KNDC1: variants seen among roughly 807,000 people sequenced by gnomAD.
KNDC1 encodes the protein kinase non-catalytic C-lobe domain-containing protein 1.
In KNDC1, 106 loss-of-function variants were observed where a neutral mutation model predicts 172.8. The observed-to-expected ratio is 0.61, with a 90% CI of 0.52 to 0.72. The LOEUF is 0.72. Ranked by LOEUF, KNDC1 falls within the 30% of genes least tolerant of loss-of-function variation. The pLI, the probability that KNDC1 is intolerant of heterozygous loss-of-function variation, is 0.00. For synonymous variants in KNDC1, 1,083 were observed against 1,062.2 expected (o/e 1.02, Z -0.38); for missense variants, 2,325 against 2,394.5 (o/e 0.97, Z 0.61).
intron 17 of KNDC1, chr10:133,202,543 G>T (rs1479174287): frequency 6.7e-6 from 3 of 449,428 alleles, no homozygotes; most frequent in South Asian, 4.7e-5. Flanking sequence ...CAGGGTGGAT[G>T]ACAGGAGGGG....
chr10:133,207,547 G>T (rs1845239294), intron 20 of KNDC1, among the ~76,000 whole-genome samples, 196 bp downstream of exon 20: 2 of 152,248 alleles, frequency 1.3e-5, no homozygotes, highest in Non-Finnish European at 2.9e-5. Flanking sequence ...AGTGGCCTCC[G>T]CCGCCTGTGG....
rs1274429560 is a variant in KNDC1 at position 133,211,487 on chromosome 10, C to T, written c.3974C>T (p.Ala1325Val). Residue 1325 changes from alanine to valine, a missense_variant, in exon 22 of 30, where the codon GCC becomes GTC. Transcript: ENST00000304613. ...IYRRSLCVLQAWVEDCYAVDF... is the reference protein window; with the variant it reads ...IYRRSLCVLQVWVEDCYAVDF... ...AGGCGGAGCCTCTGCGTCCTGCAGG[C>T]CTGGGTGGAGGACTGCTACGCTGTG... 1.9e-6 allele frequency: 3 copies of T among 1,613,998 alleles called. No homozygotes were observed. The highest frequency in any genetic ancestry group is 1.7e-5 in the Admixed American group (1 of 60,016).
Position 133,198,395 on chromosome 10 carries a change from CCAGCACCCCTG to C in KNDC1, c.1967_1977del (p.Gln656ArgfsTer2). Reference sequence around the variant, plus strand: ...TGGCTGTGCCAGGGCCCGTGCCCGGCCAGCACCCCTGCGGTGAAGAAGCCACCCAGCTGCCT... The same window carrying C: ...TGGCTGTGCCAGGGCCCGTGCCCGGCCGGTGAAGAAGCCACCCAGCTGCCT... On this transcript the variant is annotated frameshift_variant, in exon 13 of 30. Coordinates refer to ENST00000304613, the MANE Select transcript of KNDC1 (RefSeq NM_152643.8). LOFTEE classifies it high-confidence loss of function. 6.3e-7 allele frequency: 1 copy of C among 1,599,238 alleles called. No homozygotes were observed. The highest frequency in any genetic ancestry group is 8.5e-7 in the Non-Finnish European group (1 of 1,174,066).
intron 22 of KNDC1, 27 bp from the exon 23 acceptor site, chr10:133,211,652 C>G (rs369114673): frequency 3.8e-5 from 60 of 1,585,808 alleles, no homozygotes; most frequent in Non-Finnish European, 4.6e-5. Flanking sequence ...GTGGCAGTGA[C>G]CCCCCCACCA....
intron 3 of KNDC1, among the ~76,000 whole-genome samples, chr10:133,177,132 C>T (rs1459151733): frequency 6.6e-6 from 1 of 152,078 alleles, no homozygotes; most frequent in East Asian, 1.9e-4. Context: ...TATCCATGTC[C>T]ATGTCCAATT....
intron 6 of KNDC1, among the ~76,000 whole-genome samples, chr10:133,188,334 A>C (rs1329044520): frequency 1.3e-5 from 2 of 152,136 alleles, no homozygotes; most frequent in African/African-American, 4.8e-5. Flanking sequence ...GTTCCCACCC[A>C]CAGGGCCAAG....
At chr10:133,174,735 GGATGGGTGGATGGAT>G (rs1393413309) in intron 3 of KNDC1, among the ~76,000 whole-genome samples, 16 of 151,870 alleles carry the variant, frequency 1.1e-4, no homozygotes, top group Admixed American at 9.8e-4. Flanking sequence ...ATATGTGGAT[GGATGGGTGGATGGAT>G]GATGGGTGGA....
chr10:133,214,977 G>C (rs1845445062), intron 26 of KNDC1, among the ~76,000 whole-genome samples: 1 of 152,188 alleles, frequency 6.6e-6, no homozygotes, highest in South Asian at 2.1e-4. Flanking sequence ...TCACCCAGCG[G>C]ATGCCTTCAC....
At position 133,199,035 on chromosome 10, in the gene KNDC1, G is replaced by A. The variant is rs778880228; in HGVS notation, c.2527G>A (p.Glu843Lys). ...CAAGGCCACCGAGCGCCCGGGCCAG[G>A]AGCCAGAGGGCCCCGGGGCCACCCC... ...RSKATERPGQ[E>K]PEGPGATPAG... The change falls in exon 14 of 30, where the codon GAG becomes AAG. Residue 843 changes from glutamate (E) to lysine (K), a missense_variant. Glu to Lys is a moderately conservative substitution (Grantham distance 56, BLOSUM62 1). Coordinates refer to ENST00000304613, the MANE Select transcript of KNDC1 (RefSeq NM_152643.8). 1.9e-6 allele frequency: 3 copies of A among 1,582,260 alleles called. No individual in the cohort carries two copies. Among genetic ancestry groups the A allele is most frequent in the Non-Finnish European group, 2.6e-6 (3 of 1,165,742 alleles).
intron 1 of KNDC1, among the ~76,000 whole-genome samples, chr10:133,164,670 T>C (rs1391994519): frequency 6.6e-6 from 1 of 152,176 alleles, no homozygotes; most frequent in African/African-American, 2.4e-5. Context: ...GCTGTGGACT[T>C]GAACCTACCT....
At chr10:133,183,309 G>A in intron 3 of KNDC1, 35 bp from the exon 4 acceptor site, 1 of 1,559,926 alleles carries the variant, frequency 6.4e-7, no homozygotes, top group Non-Finnish European at 8.7e-7. Context: ...CGCACACGCA[G>A]AGACTCTGGA....
rs1396759606 is a variant in KNDC1, at chr10:133,189,915, CA to C, written c.1575+103del. On this transcript the variant is annotated intron_variant, in intron 9 of 29. Coordinates refer to ENST00000304613, the MANE Select transcript of KNDC1 (RefSeq NM_152643.8). ...GCCCCCCATCAGGACTCGAGGGAGT[CA>C]GGGCAGCCCTTCCTGGCCAGGCGGC... is the stretch of plus-strand genomic sequence containing the variant. 4 of 1,002,168 alleles carry C rather than the reference CA, an allele frequency of 4.0e-6. No individual in the cohort carries two copies. In the African/African-American group the frequency reaches 6.4e-5, roughly 16 times the overall value. 62.1% of individuals were successfully genotyped at this position (1,002,168 alleles called of 1,614,324 possible). A position where few individuals can be genotyped will look rare whatever the true frequency, so the allele number is the denominator to read the frequency against.
Position 133,169,659 on chromosome 10 carries a change from C to T in KNDC1, c.360+1347C>T, listed in dbSNP as rs189479620. Among the ~76,000 whole-genome samples the T allele has an allele frequency of 1.5e-3, 233 of 152,148 alleles. 2 individuals are homozygous for T. Among genetic ancestry groups the T allele is most frequent in the African/African-American group, 4.6e-3 (191 of 41,504 alleles). On this transcript the variant is annotated intron_variant, in intron 3 of 29. Coordinates refer to ENST00000304613, the MANE Select transcript of KNDC1 (RefSeq NM_152643.8). Reference sequence around the variant, plus strand: ...CAGCAGTGGCCTGGTGGCCGTGACGCGGCACGTGGCCTGGTGGCCGGGACA... The same window carrying T: ...CAGCAGTGGCCTGGTGGCCGTGACGTGGCACGTGGCCTGGTGGCCGGGACA...
intron 7 of KNDC1, 101 bp from the exon 8 acceptor site, chr10:133,189,497 G>A: frequency 8.7e-7 from 1 of 1,144,190 alleles, no homozygotes; most frequent in Non-Finnish European, 1.3e-6. Flanking sequence ...GGGAGGCTGG[G>A]GGGCTGCCCG....
intron 9 of KNDC1, among the ~76,000 whole-genome samples, chr10:133,192,068 G>C (rs1854082137): frequency 6.6e-6 from 1 of 152,224 alleles, no homozygotes; most frequent in Non-Finnish European, 1.5e-5. Flanking sequence ...TGGTAAAACA[G>C]CTACACTGCC....
Position 133,199,110 on chromosome 10 carries a change from C to T in KNDC1, c.2602C>T (p.Arg868Trp), listed in dbSNP as rs567180410. The T allele has an allele frequency of 5.0e-6, 8 of 1,608,454 alleles. No homozygotes were observed. Among genetic ancestry groups the T allele is most frequent in the Middle Eastern group, 1.7e-4 (1 of 6,054 alleles). Residue 868 changes from arginine to tryptophan, a missense_variant, in exon 14 of 30, where the codon CGG becomes TGG. Physicochemically the swap from Arg to Trp is moderately radical, Grantham distance 101. Transcript: ENST00000304613. ...TCCAGACAGTGTCCCAGAGAGGCCG[C>T]GGCCCGCAGACCGGAGGCTCTGTCT... is the stretch of plus-strand genomic sequence containing the variant. ...QSPDSVPERP[R>W]PADRRLCLPC...
intron 1 of KNDC1, 86 bp downstream of exon 1, chr10:133,160,655 T>A: frequency 1.2e-6 from 1 of 860,748 alleles, no homozygotes; most frequent in Non-Finnish European, 1.7e-6. Flanking sequence ...GGAGGGGCTG[T>A]GAGCTCCCGC....
In KNDC1 at chr10:133,212,827, T is replaced by C. The variant is rs1275944751; in HGVS notation, c.4348T>C (p.Tyr1450His). Residue 1450 changes from tyrosine (Y) to histidine (H), a missense_variant, in exon 24 of 30, where the codon TAC (tyrosine) becomes CAC (histidine). Coordinates refer to ENST00000304613, the MANE Select transcript of KNDC1 (RefSeq NM_152643.8). ...CAAGCCCTGCTTCCTCGAGGACTTC[T>C]ACGGCCCCTGCGCCAAGACCAGTGA... ...LPKPCFLEDF[Y>H]GPCAKTSEKG... The C allele has an allele frequency of 6.2e-7, 1 of 1,613,960 alleles. No homozygotes were observed. The highest frequency in any genetic ancestry group is 1.7e-5 in the Admixed American group (1 of 60,024).
chr10:133,212,947 C>G, intron 24 of KNDC1, 25 bp downstream of exon 24: 1 of 1,593,148 alleles, frequency 6.3e-7, no homozygotes, highest in Admixed American at 1.7e-5. Flanking sequence ...GATCTGCGCC[C>G]AGGTCACCTG....
Sources: gnomAD v4.1 joint callset for allele counts (sites outside exome capture counted in the v4.1 genomes callset) on GRCh38, gnomAD v4.1.1 for gene constraint, MANE v1.5 for transcripts, NCBI Gene and HGNC (gene_info 2026-07-23, HGNC 2026-07-21) for gene names.